The following ATRNL1 variants were observed in gnomAD, a reference collection of about 807,000 sequenced individuals.
The protein encoded by ATRNL1 is attractin-like protein 1.
ATRNL1 carries 95 observed loss-of-function variants against 182.7 expected under a neutral mutation model. That is an observed-to-expected ratio of 0.52 (90% CI 0.44 to 0.62). The LOEUF (loss-of-function observed/expected upper bound fraction) is 0.62. Ranked by LOEUF, ATRNL1 falls within the 20% of genes least tolerant of loss-of-function variation. The pLI, the probability that ATRNL1 is intolerant of heterozygous loss-of-function variation, is 0.00. For synonymous variants in ATRNL1, 576 were observed against 568.3 expected, an observed-to-expected ratio of 1.01 and a Z score of -0.19; for missense variants, 1,471 against 1,679.5, an observed-to-expected ratio of 0.88 and a Z score of 2.17.
intron 26 of ATRNL1, among the ~76,000 whole-genome samples, chr10:115,715,218 A>G (rs1947210713): frequency 6.6e-6 from 1 of 152,212 alleles, no homozygotes; most frequent in Non-Finnish European, 1.5e-5. Flanking sequence ...AAAAAGTTGT[A>G]TTCCAGAGCA....
intron 26 of ATRNL1, among the ~76,000 whole-genome samples, chr10:115,637,434 T>A (rs540653537): frequency 6.6e-6 from 1 of 152,152 alleles, no homozygotes; most frequent in East Asian, 1.9e-4. Flanking sequence ...GTTAAAATTT[T>A]AAAAATGTGA....
intron 26 of ATRNL1, among the ~76,000 whole-genome samples, chr10:115,634,014 T>C (rs2769422): frequency 0.28 from 42,293 of 151,886 alleles, 6,865 homozygotes; most frequent in East Asian, 0.58. Context: ...GGTTCTTGGG[T>C]CTGAGAATTT....
intron 24 of ATRNL1, among the ~76,000 whole-genome samples, chr10:115,515,581 ATTGTC>A (rs1483477736): frequency 6.6e-6 from 1 of 151,610 alleles, no homozygotes; most frequent in Non-Finnish European, 1.5e-5. Flanking sequence ...TACAATGTTT[ATTGTC>A]TTCTTTTTAA....
At chr10:115,195,231 G>A (rs1247666283) in intron 8 of ATRNL1, among the ~76,000 whole-genome samples, 1 of 151,924 alleles carries the variant, frequency 6.6e-6, no homozygotes, top group Admixed American at 6.6e-5. Flanking sequence ...CCTGTTGTTT[G>A]TTAATATCCT....
rs951362776 is a variant in ATRNL1 at position 115,732,009 on chromosome 10, A to G, written c.3903+4654A>G. ...GCCTGTTAGTGCTTCATTCATTTCT[A>G]TTGTCAAATGATATTCCATTGTATG... is the stretch of plus-strand genomic sequence containing the variant. On this transcript the variant is annotated intron_variant, in intron 27 of 28. Transcript: ENST00000355044. Among the ~76,000 whole-genome samples the G allele has an allele frequency of 1.7e-4, 26 of 152,142 alleles. No homozygotes were observed. The East Asian group carries it at 4.4e-3, about 26-fold the overall frequency.
At position 115,467,567 on chromosome 10, in the gene ATRNL1, T is replaced by C. The variant is rs1848113488; in HGVS notation, c.3496+315T>C. Among the ~76,000 whole-genome samples, 4 of 150,718 alleles carry C rather than the reference T, an allele frequency of 2.7e-5. No homozygotes were observed. The South Asian group carries it at 8.3e-4, about 31-fold the overall frequency. On this transcript the variant is annotated intron_variant, in intron 23 of 28. Coordinates refer to ENST00000355044, the MANE Select transcript of ATRNL1 (RefSeq NM_207303.4). ...TTTAATGACTAAAGAGACTGAAATT[T>C]CAATTATTTGATTCACTATTAAAAC...
intron 19 of ATRNL1, among the ~76,000 whole-genome samples, chr10:115,388,763 A>T (rs1843809438): frequency 6.6e-6 from 1 of 151,886 alleles, no homozygotes. Flanking sequence ...GGAGATTTGT[A>T]ATTTTGTTCC....
chr10:115,756,727 C>T (rs1555072140), intron 27 of ATRNL1, among the ~76,000 whole-genome samples: 3 of 152,164 alleles, frequency 2.0e-5, no homozygotes, highest in Non-Finnish European at 4.4e-5. Flanking sequence ...TGTTAATTAT[C>T]TGTCTCGTTG....
chr10:115,904,719 C>T (rs1484848837), intron 28 of ATRNL1, among the ~76,000 whole-genome samples: 1 of 152,162 alleles, frequency 6.6e-6, no homozygotes, highest in African/African-American at 2.4e-5. Flanking sequence ...CATAAAGATG[C>T]CCTAAGTTTG....
chr10:115,581,254 T>C (rs1274725638), intron 26 of ATRNL1, among the ~76,000 whole-genome samples: 3 of 152,042 alleles, frequency 2.0e-5, no homozygotes, highest in Non-Finnish European at 4.4e-5. Context: ...TTTTTTTCAG[T>C]GATCCCCAAT....
At chr10:115,098,371 C>CA (rs201608491) in intron 1 of ATRNL1, among the ~76,000 whole-genome samples, 3,725 of 150,722 alleles carry the variant, frequency 0.025, 157 homozygotes, top group African/African-American at 0.086. Flanking sequence ...ATTTTATACA[C>CA]GTAACTGTGA....
Position 115,656,036 on chromosome 10 carries a change from C to A in ATRNL1, c.3796-71212C>A, listed in dbSNP as rs1860310051. 2.0e-5 allele frequency among the ~76,000 whole-genome samples: 3 copies of A among 152,086 alleles called. No homozygotes were observed. The South Asian group carries it at 6.2e-4, about 32-fold the overall frequency. On this transcript the variant is annotated intron_variant, in intron 26 of 28. Transcript: ENST00000355044. ...TTAACATAAATCAGGATCCCATGAC[C>A]AGGACAACTGAGATTAGCACCTCTA...
Position 115,660,556 on chromosome 10 carries a change from G to A in ATRNL1, c.3796-66692G>A, listed in dbSNP as rs1431747976. Among the ~76,000 whole-genome samples, 3 of 152,140 alleles carry A rather than the reference G, an allele frequency of 2.0e-5. No individual in the cohort carries two copies. The East Asian group carries it at 5.8e-4, about 29-fold the overall frequency. On this transcript the variant is annotated intron_variant, in intron 26 of 28. Transcript: ENST00000355044. ...GGGGGCAGTAAGTCAGAATATGATT[G>A]TATCATATTCTAAGGCAAGGATATT...
chr10:115,673,221 A>G (rs1390267040), intron 26 of ATRNL1, among the ~76,000 whole-genome samples: 1 of 152,118 alleles, frequency 6.6e-6, no homozygotes, highest in Admixed American at 6.6e-5. Context: ...TTCAAATCTG[A>G]GTGATATAAT....
intron 25 of ATRNL1, 26 bp from the exon 26 acceptor site, chr10:115,549,432 A>T: frequency 5.1e-6 from 8 of 1,565,994 alleles, no homozygotes; most frequent in Non-Finnish European, 6.9e-6. Context: ...GTTTTGAGCA[A>T]AAATTATTTG....
chr10:115,607,856 C>T (rs1464271099), intron 26 of ATRNL1, among the ~76,000 whole-genome samples: 3 of 151,900 alleles, frequency 2.0e-5, no homozygotes, highest in Admixed American at 6.6e-5. Context: ...CTTCATGGTT[C>T]ATTGCCAACC....
At chr10:115,559,414 TTGTG>T (rs138709567) in intron 26 of ATRNL1, among the ~76,000 whole-genome samples, 54,049 of 147,572 alleles carry the variant, frequency 0.37, 10,529 homozygotes, top group Middle Eastern at 0.46. Context: ...TTCTTGGTGT[TTGTG>T]TGTGTGTGTG....
intron 18 of ATRNL1, among the ~76,000 whole-genome samples, chr10:115,325,008 T>C (rs1290337489): frequency 6.6e-6 from 1 of 152,198 alleles, no homozygotes; most frequent in African/African-American, 2.4e-5. Context: ...GTCTTAAATT[T>C]CTGTGTATAT....
At chr10:115,917,845 G>A (rs1186996875) in intron 28 of ATRNL1, among the ~76,000 whole-genome samples, 1 of 152,078 alleles carries the variant, frequency 6.6e-6, no homozygotes, top group Non-Finnish European at 1.5e-5. Flanking sequence ...ATGTAAACAA[G>A]TAACAAAATA....
Sources: allele counts gnomAD v4.1 joint callset (sites outside exome capture counted in the v4.1 genomes callset), GRCh38; gene constraint gnomAD v4.1.1; transcripts MANE v1.5; gene names NCBI Gene and HGNC (gene_info 2026-07-23, HGNC 2026-07-21).